Variants in RHBDD1 observed in about 807,000 individuals in gnomAD.
RHBDD1 encodes rhomboid domain containing 1.
Under a neutral mutation model 36.3 loss-of-function variants are expected in RHBDD1, and 38 were observed. The ratio of observed to expected loss-of-function variants is 1.05; its 90% CI spans 0.81 to 1.37. RHBDD1 has a LOEUF of 1.37. RHBDD1 is among the 40% of genes most tolerant of loss of function. RHBDD1 has a pLI of 0.00. For missense variants in RHBDD1, 393 were observed against 377.6 expected (o/e 1.04, Z -0.34); for synonymous variants, 151 against 136.5 (o/e 1.11, Z -0.74).
chr2:226,904,877 G>GT (rs1219140303), intron 5 of RHBDD1, among the ~76,000 whole-genome samples: 1 of 152,068 alleles, frequency 6.6e-6, no homozygotes, highest in Non-Finnish European at 1.5e-5. Flanking sequence ...TGTGATTGCC[G>GT]TGGCTCAGCA....
intron 8 of RHBDD1, among the ~76,000 whole-genome samples, chr2:226,915,458 G>A (rs747490935): frequency 1.3e-5 from 2 of 152,154 alleles, no homozygotes; most frequent in African/African-American, 2.4e-5. Context: ...TGGATTTAGT[G>A]TGTGGTATAA....
chr2:226,906,963 T>G, intron 6 of RHBDD1, 82 bp downstream of exon 6: 1 of 1,421,602 alleles, frequency 7.0e-7, no homozygotes, highest in Non-Finnish European at 9.9e-7. Flanking sequence ...ACCCCAAGTT[T>G]CCCTGTGGTT....
At chr2:226,907,065 G>T (rs771075124) in intron 6 of RHBDD1, 184 bp downstream of exon 6, 99 of 654,548 alleles carry the variant, frequency 1.5e-4, no homozygotes, top group Non-Finnish European at 2.4e-4. Flanking sequence ...CACAAAAGAG[G>T]CTGCAAACTT....
intron 4 of RHBDD1, among the ~76,000 whole-genome samples, chr2:226,866,936 G>A (rs1360794427): frequency 6.6e-6 from 1 of 152,100 alleles, no homozygotes; most frequent in Non-Finnish European, 1.5e-5. Flanking sequence ...TATTCACATG[G>A]TAGGTATTAT....
intron 8 of RHBDD1, among the ~76,000 whole-genome samples, chr2:226,936,371 G>T (rs6747798): frequency 0.067 from 10,162 of 151,902 alleles, 703 homozygotes; most frequent in African/African-American, 0.17. Context: ...ATGAAATTAG[G>T]TTCAATAATT....
chr2:226,951,986 CTATT>C lies in RHBDD1; in HGVS notation c.856+37636_856+37639del, dbSNP rs141551424. ...TTTGGTTGTTCTCAACCCTGGCTAT[CTATT>C]AGAATCATTTGGGGAGCTTTGTACA... is the stretch of plus-strand genomic sequence containing the variant. On this transcript the variant is annotated intron_variant, in intron 8 of 8. Coordinates refer to ENST00000392062, the MANE Select transcript of RHBDD1 (RefSeq NM_001167608.3). Among the ~76,000 whole-genome samples the C allele has an allele frequency of 4.8e-3, 734 of 152,318 alleles. 7 individuals are homozygous for C. The highest frequency in any genetic ancestry group is 0.017 in the African/African-American group (698 of 41,582).
chr2:226,859,782 A>G (rs2125169405), intron 3 of RHBDD1, among the ~76,000 whole-genome samples: 1 of 152,310 alleles, frequency 6.6e-6, no homozygotes, highest in Non-Finnish European at 1.5e-5. Context: ...GTTATGGGGA[A>G]GAGTTTGGAC....
chr2:226,848,814 A>G (rs1942493442), intron 3 of RHBDD1, among the ~76,000 whole-genome samples: 1 of 152,228 alleles, frequency 6.6e-6, no homozygotes, highest in Non-Finnish European at 1.5e-5. Flanking sequence ...TATTTTGATT[A>G]AAATCCCTGC....
chr2:226,924,784 C>T (rs976583913), intron 8 of RHBDD1, among the ~76,000 whole-genome samples: 11 of 152,306 alleles, frequency 7.2e-5, no homozygotes, highest in African/African-American at 2.6e-4. Flanking sequence ...TGCTTTCTGG[C>T]AGTGCTGAGT....
the RHBDD1 span, among the ~76,000 whole-genome samples, chr2:226,814,665 C>T: frequency 3.9e-5 from 6 of 152,128 alleles, no homozygotes; most frequent in South Asian, 1.2e-3. Flanking sequence ...GAGGAGGAAA[C>T]AATGGGCTGT....
chr2:226,908,664 G>C, intron 6 of RHBDD1, 158 bp from the exon 7 acceptor site: 2 of 632,204 alleles, frequency 3.2e-6, no homozygotes, highest in Non-Finnish European at 5.7e-6. Flanking sequence ...TTTCCAGTTA[G>C]GGCTGGCCCC....
At chr2:226,934,706 G>C (rs1360355197) in intron 8 of RHBDD1, among the ~76,000 whole-genome samples, 1 of 152,032 alleles carries the variant, frequency 6.6e-6, no homozygotes, top group African/African-American at 2.4e-5. Flanking sequence ...ATGAATCCAA[G>C]AGGCAGCTGA....
At chr2:226,855,963 A>G (rs1266679332) in intron 3 of RHBDD1, among the ~76,000 whole-genome samples, 1 of 152,202 alleles carries the variant, frequency 6.6e-6, no homozygotes. Flanking sequence ...TGATTTTATC[A>G]TTAATGTAGC....
At chr2:226,990,777 A>C (rs4281898) in intron 8 of RHBDD1, among the ~76,000 whole-genome samples, 87,741 of 151,950 alleles carry the variant, frequency 0.58, 26,048 homozygotes, top group African/African-American at 0.72. Context: ...TTAACACGGG[A>C]AGTATTCCTG....
the RHBDD1 span, among the ~76,000 whole-genome samples, chr2:226,805,625 AT>A: frequency 6.6e-6 from 1 of 152,206 alleles, no homozygotes; most frequent in Non-Finnish European, 1.5e-5. Flanking sequence ...TTTATCTTAA[AT>A]TTGTCTTTTT....
chr2:226,989,762 AG>A (rs2149545666), intron 8 of RHBDD1, among the ~76,000 whole-genome samples: 1 of 152,180 alleles, frequency 6.6e-6, no homozygotes, highest in East Asian at 1.9e-4. Context: ...TTGTTCATTA[AG>A]GGTCTCCAAA....
At chr2:226,938,921 C>G (rs1950509512) in intron 8 of RHBDD1, among the ~76,000 whole-genome samples, 1 of 152,128 alleles carries the variant, frequency 6.6e-6, no homozygotes, top group South Asian at 2.1e-4. Context: ...CATCAAAAAG[C>G]TTATCCATCA....
intron 3 of RHBDD1, among the ~76,000 whole-genome samples, chr2:226,863,829 G>T (rs1198498715): frequency 6.6e-6 from 1 of 152,170 alleles, no homozygotes; most frequent in African/African-American, 2.4e-5. Flanking sequence ...GGAGAAGCGG[G>T]CTAGTAAGCC....
At chr2:226,929,269 G>A (rs770706939) in intron 8 of RHBDD1, among the ~76,000 whole-genome samples, 4 of 151,986 alleles carry the variant, frequency 2.6e-5, no homozygotes, top group Non-Finnish European at 5.9e-5. Context: ...CTAGCAAACT[G>A]AATCCAACAG....
Sources: gnomAD v4.1 joint callset for allele counts (sites outside exome capture counted in the v4.1 genomes callset) on GRCh38, gnomAD v4.1.1 for gene constraint, MANE v1.5 for transcripts, NCBI Gene and HGNC (gene_info 2026-07-23, HGNC 2026-07-21) for gene names.